Variants in RETREG3 observed in about 807,000 individuals in gnomAD.
The protein encoded by RETREG3 is reticulophagy regulator 3.
In RETREG3, 23 loss-of-function variants were observed where a neutral mutation model predicts 50.2. The ratio of observed to expected loss-of-function variants is 0.46; its 90% CI spans 0.33 to 0.65. RETREG3 has a LOEUF of 0.65. RETREG3 is among the 30% of genes least tolerant of loss of function. The pLI is 0.02. For missense variants in RETREG3, 546 were observed against 598.0 expected (o/e 0.91, Z 0.91); for synonymous variants, 240 against 234.4 (o/e 1.02, Z -0.22).
chr17:42,596,999 A>G (rs1360046601), intron 1 of RETREG3, among the ~76,000 whole-genome samples: 1 of 151,464 alleles, frequency 6.6e-6, no homozygotes, highest in Non-Finnish European at 1.5e-5. Flanking sequence ...TAGTCTCCCA[A>G]GTAACTGAGA....
intron 1 of RETREG3, among the ~76,000 whole-genome samples, chr17:42,606,111 T>C (rs758359317): frequency 6.6e-6 from 1 of 151,298 alleles, no homozygotes; most frequent in South Asian, 2.1e-4. Flanking sequence ...ACAGACAAGC[T>C]ACTAGGAAAT....
intron 2 of RETREG3, among the ~76,000 whole-genome samples, chr17:42,589,709 C>G (rs148845807): frequency 7.9e-5 from 12 of 152,342 alleles, no homozygotes; most frequent in Non-Finnish European, 1.6e-4. Context: ...GCTGAGATCA[C>G]AGGCATGATC....
At position 42,580,869 on chromosome 17, in the gene RETREG3, C is replaced by G. The variant is rs749631165; in HGVS notation, c.*944G>C. 2.0e-5 allele frequency: 3 copies of G among 149,232 alleles called. No homozygotes were observed. The highest frequency in any genetic ancestry group is 2.0e-4 in the Admixed American group (3 of 14,980). The allele number at this position is 149,232 out of a possible 1,614,324, so 9.2% of individuals were successfully genotyped here. Reference sequence around the variant, plus strand: ...CCTGGCCAGCACGGTGAAACCCCATCTCTACTAAAAACACAAAAAAATTAG... The same window carrying G: ...CCTGGCCAGCACGGTGAAACCCCATGTCTACTAAAAACACAAAAAAATTAG... On this transcript the variant is annotated 3_prime_UTR_variant, in exon 9 of 9. Transcript: ENST00000309428.
chr17:42,604,694 C>CAAAAAAAAA (rs1007735904), intron 1 of RETREG3, among the ~76,000 whole-genome samples: 2 of 44,514 alleles, frequency 4.5e-5, no homozygotes, highest in Non-Finnish European at 9.2e-5. Flanking sequence ...GATTCCCCAG[C>CAAAAAAAAA]AAAAAAAAAA....
chr17:42,598,279 C>A (rs1344192803), intron 1 of RETREG3, among the ~76,000 whole-genome samples: 1 of 152,062 alleles, frequency 6.6e-6, no homozygotes, highest in Non-Finnish European at 1.5e-5. Flanking sequence ...CCGCACCCGG[C>A]CTCTTCCTCT....
At chr17:42,604,528 G>A (rs2093164139) in intron 1 of RETREG3, among the ~76,000 whole-genome samples, 1 of 151,684 alleles carries the variant, frequency 6.6e-6, no homozygotes, top group African/African-American at 2.4e-5. Context: ...AAATAGGCTG[G>A]GCCCAGTGGC....
chr17:42,582,750 G>A lies in RETREG3; in HGVS notation c.867C>T (p.Asp289=), dbSNP rs368479744. 1.5e-5 allele frequency: 24 copies of A among 1,614,232 alleles called. No individual in the cohort carries two copies. The highest frequency in any genetic ancestry group is 1.1e-4 in the African/African-American group (8 of 75,052). Residue 289 remains aspartate, a synonymous_variant, in exon 8 of 9, where the codon GAC becomes GAT. Coordinates refer to ENST00000309428, the MANE Select transcript of RETREG3 (RefSeq NM_178126.4). ...CATTGTCTGTACAGGAGACTTCAGC[G>A]TCTGAGTGCTCAGAGTCTGTGATGG... ...ELAITDSEHS[D]AEVSCTDNGT...
At position 42,592,036 on chromosome 17, in the gene RETREG3, C is replaced by T; in HGVS notation, c.346+20G>A. 6.3e-7 allele frequency: 1 copy of T among 1,597,752 alleles called. No homozygotes were observed. The highest frequency in any genetic ancestry group is 2.2e-5 in the East Asian group (1 of 44,752). ...AAGGCCATCTTCAGTTCAGATTGTT[C>T]TAAATGCTACCAAACTCACCTTTTA... On this transcript the variant is annotated intron_variant, in intron 2 of 8. Coordinates refer to ENST00000309428, the MANE Select transcript of RETREG3 (RefSeq NM_178126.4).
At chr17:42,589,008 TTA>T (rs1284411659) in intron 2 of RETREG3, among the ~76,000 whole-genome samples, 1 of 151,912 alleles carries the variant, frequency 6.6e-6, no homozygotes, top group African/African-American at 2.4e-5. Flanking sequence ...TGATGCTCAC[TTA>T]TAGTTCTGCC....
rs374036090 is a variant in RETREG3 at position 42,586,135 on chromosome 17, G to A, written c.507C>T (p.Phe169=). The A allele has an allele frequency of 1.9e-6, 3 of 1,613,866 alleles. No homozygotes were observed. In the African/African-American group the frequency reaches 4.0e-5, roughly 22 times the overall value. The change falls in exon 5 of 9, where the codon TTC becomes TTT. Residue 169 remains phenylalanine (F), a splice_region_variant and synonymous_variant. Transcript: ENST00000309428. ...LLFKKQNPGK[F]CLLSCGILTF... is the part of the protein sequence containing the mutation. ...TCAGTATCCCACAGCTCAGCAAGCA[G>A]AACTGGGGAATCAAGAAAGAGTATT...
chr17:42,598,939 G>A (rs1204995285), intron 1 of RETREG3: 1 of 152,068 alleles, frequency 6.6e-6, no homozygotes, highest in East Asian at 1.9e-4. Flanking sequence ...ATGTTTACCA[G>A]TTTATTATAA....
chr17:42,599,251 A>AG (rs2093154012), intron 1 of RETREG3: 1 of 152,264 alleles, frequency 6.6e-6, no homozygotes, highest in African/African-American at 2.4e-5. Context: ...TTTAGAGAGA[A>AG]GATCAATGGC....
At chr17:42,596,895 AAG>A (rs2093146301) in intron 1 of RETREG3, among the ~76,000 whole-genome samples, 1 of 141,434 alleles carries the variant, frequency 7.1e-6, no homozygotes, top group Non-Finnish European at 1.5e-5. Flanking sequence ...TTTTTGAGAT[AAG>A]AGTCTGGCTT....
chr17:42,594,879 T>C (rs1463419531), intron 1 of RETREG3, among the ~76,000 whole-genome samples: 1 of 151,364 alleles, frequency 6.6e-6, no homozygotes, highest in African/African-American at 2.4e-5. Flanking sequence ...CATACGTTTA[T>C]CCGGCTGTAC....
At position 42,595,612 on chromosome 17, in the gene RETREG3, C is replaced by T. The variant is rs561618666; in HGVS notation, c.240-3450G>A. Among the ~76,000 whole-genome samples the T allele has an allele frequency of 1.4e-3, 207 of 150,780 alleles. 1 individual carries two copies. The highest frequency in any genetic ancestry group is 4.7e-3 in the African/African-American group (193 of 41,142). ...AATCATACAAAGAATGAGGGATGGACGGGAACAAGAACTCAGAAATCCAGT... is the reference window on the plus strand; with the variant it reads ...AATCATACAAAGAATGAGGGATGGATGGGAACAAGAACTCAGAAATCCAGT... On this transcript the variant is annotated intron_variant, in intron 1 of 8. Transcript: ENST00000309428.
At position 42,609,199 on chromosome 17, in the gene RETREG3, C is replaced by T; in HGVS notation, c.126G>A (p.Leu42=). ...DQQVEAAQRA[L]VEVLGPYEPL... is the part of the protein sequence containing the mutation. Reference sequence around the variant, plus strand: ...GCTCGTAAGGCCCCAGCACCTCCACCAGGGCCCGCTGCGCCGCCTCAACCT... The same window carrying T: ...GCTCGTAAGGCCCCAGCACCTCCACTAGGGCCCGCTGCGCCGCCTCAACCT... The change falls in exon 1 of 9, where the codon CTG becomes CTA. Residue 42 remains leucine, a synonymous_variant. Transcript: ENST00000309428. 2 of 1,609,234 alleles carry T rather than the reference C, an allele frequency of 1.2e-6. No homozygotes were observed. The highest frequency in any genetic ancestry group is 1.7e-6 in the Non-Finnish European group (2 of 1,179,774).
chr17:42,583,308 T>C (rs1399852160), intron 7 of RETREG3, among the ~76,000 whole-genome samples, 190 bp downstream of exon 7: 1 of 151,302 alleles, frequency 6.6e-6, no homozygotes, highest in Non-Finnish European at 1.5e-5. Flanking sequence ...GAGACCTAGG[T>C]TGATTACAGG....
chr17:42,588,827 T>C (rs140250406), intron 2 of RETREG3, among the ~76,000 whole-genome samples: 128 of 152,236 alleles, frequency 8.4e-4, no homozygotes, highest in African/African-American at 2.8e-3. Context: ...CTGGCTATTT[T>C]TGTGTTTTTA....
intron 6 of RETREG3, among the ~76,000 whole-genome samples, chr17:42,584,720 G>A (rs2093117453): frequency 6.7e-6 from 1 of 148,780 alleles, no homozygotes; most frequent in African/African-American, 2.5e-5. Context: ...GCGGGGCTGA[G>A]TAGAAGGATC....
Sources: allele counts gnomAD v4.1 joint callset (sites outside exome capture counted in the v4.1 genomes callset), GRCh38; gene constraint gnomAD v4.1.1; transcripts MANE v1.5; gene names NCBI Gene and HGNC (gene_info 2026-07-23, HGNC 2026-07-21).